The following NKD1 variants were observed in gnomAD, a reference collection of about 807,000 sequenced individuals.
NKD1 encodes protein naked cuticle homolog 1.
In NKD1, 21 loss-of-function variants were observed where a neutral mutation model predicts 56.0. That is an observed-to-expected ratio of 0.38 (90% CI 0.27 to 0.54). NKD1 has a LOEUF of 0.54. Among genes scored for constraint, NKD1 ranks in the 20% least tolerant of loss-of-function variants. The pLI is 0.82. For synonymous variants in NKD1, 263 were observed against 265.7 expected (o/e 0.99, Z 0.10); for missense variants, 578 against 642.7 (o/e 0.90, Z 1.09).
At chr16:50,601,123 C>G (rs1011228322) in intron 3 of NKD1, among the ~76,000 whole-genome samples, 4 of 152,230 alleles carry the variant, frequency 2.6e-5, no homozygotes, top group African/African-American at 4.8e-5. Flanking sequence ...TCTTCCCTCT[C>G]GCCTCAGCCT....
At position 50,635,892 on chromosome 16, in the gene NKD1, C is replaced by T. The variant is rs1962455795; in HGVS notation, c.*2111C>T. On this transcript the variant is annotated 3_prime_UTR_variant, in exon 10 of 10. Transcript: ENST00000268459. The surrounding 1 kb of genome is among the most constrained non-coding windows in gnomAD (Gnocchi z 4.1). ...ACCAAGTTGGAAGGCAGGGAGGGAA[C>T]TGGCTTTGAGATGACAGGGTCCAGG... 1 of 152,388 alleles carries T rather than the reference C, an allele frequency of 6.6e-6. No homozygotes were observed. Among genetic ancestry groups the T allele is most frequent in the African/African-American group, 2.4e-5 (1 of 41,582 alleles). The allele number at this position is 152,388 out of a possible 1,614,324, so 9.4% of individuals were successfully genotyped here.
intron 6 of NKD1, 125 bp downstream of exon 6, chr16:50,625,705 A>T (rs1337232203): frequency 7.6e-6 from 5 of 661,144 alleles, no homozygotes; most frequent in Non-Finnish European, 1.4e-5. Context: ...AGGCCGTAAC[A>T]GCCAGGGAGT....
intron 3 of NKD1, among the ~76,000 whole-genome samples, chr16:50,577,725 A>G (rs1355901011): frequency 1.3e-5 from 2 of 152,068 alleles, no homozygotes; most frequent in Admixed American, 1.3e-4. Flanking sequence ...GAGTTTGCCC[A>G]TTTTAGATTC....
chr16:50,640,814 T>A lies in NKD1; in HGVS notation c.*7033T>A, dbSNP rs563777733. ...AATAGAAAATTGCAGTCCCTTACTG[T>A]TTAAAGAAAAACCAAAAGAAGTTAA... On this transcript the variant is annotated 3_prime_UTR_variant, in exon 10 of 10. Coordinates refer to ENST00000268459, the MANE Select transcript of NKD1 (RefSeq NM_033119.5). The A allele has an allele frequency of 8.1e-5, 12 of 147,790 alleles. No individual in the cohort carries two copies. Among genetic ancestry groups the A allele is most frequent in the African/African-American group, 3.0e-4 (12 of 40,432 alleles). The allele number at this position is 147,790 out of a possible 1,614,324, so 9.2% of individuals were successfully genotyped here. A position where few individuals can be genotyped will look rare whatever the true frequency, so the allele number is the denominator to read the frequency against.
In NKD1 at chr16:50,632,471, G is replaced by A. The variant is rs576874614; in HGVS notation, c.823+63G>A. 1.9e-5 allele frequency: 30 copies of A among 1,572,456 alleles called. No individual in the cohort carries two copies. Among genetic ancestry groups the A allele is most frequent in the African/African-American group, 1.1e-4 (8 of 74,346 alleles). The stretch of plus-strand genomic sequence containing the variant: ...CAGGGCGTGGCTGGACGGGCCAGGC[G>A]GGCCGTGCGGGTGGTGTTCACTGCT... On this transcript the variant is annotated intron_variant, in intron 9 of 9. Transcript: ENST00000268459. The surrounding 1 kb of genome is among the most constrained non-coding windows in gnomAD (Gnocchi z 4.1).
intron 3 of NKD1, chr16:50,607,853 C>T (rs1380847012): frequency 3.8e-5 from 7 of 183,512 alleles, no homozygotes; most frequent in Non-Finnish European, 7.0e-5. Context: ...CAGATGGGGC[C>T]TTTGTTGACA....
intron 4 of NKD1, among the ~76,000 whole-genome samples, chr16:50,614,787 A>G (rs1169089927): frequency 6.6e-6 from 1 of 152,176 alleles, no homozygotes; most frequent in Non-Finnish European, 1.5e-5. Flanking sequence ...TTAGATGACA[A>G]TCTTAATAGA....
intron 3 of NKD1, among the ~76,000 whole-genome samples, chr16:50,588,515 A>G (rs760258229): frequency 2.6e-5 from 4 of 151,674 alleles, no homozygotes; most frequent in African/African-American, 9.7e-5. Context: ...GCTCAGCCTC[A>G]TGCCCAGGTA....
intron 3 of NKD1, among the ~76,000 whole-genome samples, chr16:50,575,840 A>G (rs1341599912): frequency 2.0e-5 from 3 of 152,238 alleles, no homozygotes; most frequent in East Asian, 3.8e-4. Flanking sequence ...ATGGTAGCAC[A>G]GGACATTTGG....
rs572680852 is a variant in NKD1, at chr16:50,601,675, A to T, written c.193-6619A>T. Reference sequence around the variant, plus strand: ...GCTCCCGAGGGAGGGGTCCCAGGAGAGGGTTCCAATTGGCTTGGCTGCATC... The same window carrying T: ...GCTCCCGAGGGAGGGGTCCCAGGAGTGGGTTCCAATTGGCTTGGCTGCATC... On this transcript the variant is annotated intron_variant, in intron 3 of 9. Coordinates refer to ENST00000268459, the MANE Select transcript of NKD1 (RefSeq NM_033119.5). 6.2e-4 allele frequency among the ~76,000 whole-genome samples: 95 copies of T among 152,256 alleles called. 1 individual carries two copies. The highest frequency in any genetic ancestry group is 2.2e-3 in the African/African-American group (92 of 41,544).
At chr16:50,560,899 A>G (rs1316479560) in intron 3 of NKD1, among the ~76,000 whole-genome samples, 1 of 151,438 alleles carries the variant, frequency 6.6e-6, no homozygotes, top group Middle Eastern at 3.2e-3. Flanking sequence ...AATTCTTACT[A>G]TAGGTCATAA....
At chr16:50,550,937 T>C (rs557541635) in intron 3 of NKD1, among the ~76,000 whole-genome samples, 2 of 152,306 alleles carry the variant, frequency 1.3e-5, no homozygotes, top group South Asian at 4.1e-4. Flanking sequence ...TGACATTTAT[T>C]TGCAGTCCCT....
At chr16:50,609,796 C>G (rs187462392) in intron 4 of NKD1, among the ~76,000 whole-genome samples, 1 of 152,290 alleles carries the variant, frequency 6.6e-6, no homozygotes, top group Admixed American at 6.5e-5. Context: ...AAACTTTACT[C>G]AAATGTAAGC....
chr16:50,613,848 A>G (rs1426996061), intron 4 of NKD1, among the ~76,000 whole-genome samples: 6 of 152,058 alleles, frequency 3.9e-5, no homozygotes, highest in African/African-American at 1.4e-4. Flanking sequence ...TCCCTCCCTG[A>G]ACAGATGTTT....
intron 4 of NKD1, among the ~76,000 whole-genome samples, chr16:50,612,503 A>G (rs577601183): frequency 1.3e-5 from 2 of 152,358 alleles, no homozygotes; most frequent in East Asian, 3.9e-4. Flanking sequence ...CAGTCACGAC[A>G]TTCACAGGAG....
chr16:50,625,712 G>T, intron 6 of NKD1, 132 bp downstream of exon 6: 1 of 642,356 alleles, frequency 1.6e-6, no homozygotes, highest in Non-Finnish European at 2.8e-6. Flanking sequence ...AACAGCCAGG[G>T]AGTTGCTGGG....
chr16:50,563,133 T>C (rs752851024), intron 3 of NKD1, among the ~76,000 whole-genome samples: 4 of 152,234 alleles, frequency 2.6e-5, no homozygotes, highest in African/African-American at 4.8e-5. Flanking sequence ...ATGTGACCAC[T>C]GGGACTCAGA....
chr16:50,578,544 C>T (rs1902488871), intron 3 of NKD1, among the ~76,000 whole-genome samples: 1 of 152,188 alleles, frequency 6.6e-6, no homozygotes, highest in South Asian at 2.1e-4. Flanking sequence ...GCCTCTTTTA[C>T]TGTGCGGAGT....
chr16:50,629,392 A>G (rs903630821), intron 6 of NKD1, among the ~76,000 whole-genome samples: 1 of 152,184 alleles, frequency 6.6e-6, no homozygotes, highest in Non-Finnish European at 1.5e-5. Flanking sequence ...TTTGCAAGTG[A>G]GTGGGGAGCC....
Sources: allele counts gnomAD v4.1 joint callset (sites outside exome capture counted in the v4.1 genomes callset), GRCh38; gene constraint gnomAD v4.1.1; non-coding constraint Gnocchi (gnomAD v3.1); transcripts MANE v1.5; gene names NCBI Gene and HGNC (gene_info 2026-07-23, HGNC 2026-07-21).